The following PLEKHM2 variants were observed in gnomAD, a reference collection of about 807,000 sequenced individuals.
PLEKHM2 encodes the protein pleckstrin homology domain-containing family M member 2.
PLEKHM2 carries 77 observed loss-of-function variants against 116.3 expected under a neutral mutation model. The observed-to-expected ratio is 0.66, with a 90% CI of 0.55 to 0.80. The LOEUF (loss-of-function observed/expected upper bound fraction) is 0.80. PLEKHM2 is among the 30% of genes least tolerant of loss of function. PLEKHM2 has a pLI of 0.00. For synonymous variants in PLEKHM2, 562 were observed against 571.0 expected (o/e 0.98, Z 0.22); for missense variants, 1,183 against 1,354.9 (o/e 0.87, Z 1.99).
intron 1 of PLEKHM2, among the ~76,000 whole-genome samples, chr1:15,702,884 C>T (rs1394790678): frequency 1.3e-5 from 2 of 151,278 alleles, no homozygotes; most frequent in Non-Finnish European, 2.9e-5. Context: ...CCACGCCCAG[C>T]TAACTTTAAA....
chr1:15,728,122 C>T lies in PLEKHM2; in HGVS notation c.1804C>T (p.Arg602Ter), dbSNP rs752579535. 5.6e-6 allele frequency: 9 copies of T among 1,611,216 alleles called. No homozygotes were observed. Among genetic ancestry groups the T allele is most frequent in the East Asian group, 2.2e-5 (1 of 44,800 alleles). Residue 602 changes from arginine to a stop codon, truncating the protein, a stop_gained, in exon 10 of 20, where the codon CGA (arginine) becomes TGA (stop). Coordinates refer to ENST00000375799, the MANE Select transcript of PLEKHM2 (RefSeq NM_015164.4). LOFTEE classifies it high-confidence loss of function. The surrounding 1 kb of genome is among the most constrained non-coding windows in gnomAD (Gnocchi z 5.9). Reference sequence around the variant, plus strand: ...GCTCCTGCTCATGATCCACGTGTTCCGAGAAAACGAAGAGCAGCTGTTCAA... The same window carrying T: ...GCTCCTGCTCATGATCCACGTGTTCTGAGAAAACGAAGAGCAGCTGTTCAA... ...HLLLLMIHVF[R>*]ENEEQLFKMI...
At position 15,719,702 on chromosome 1, in the gene PLEKHM2, C is replaced by T. The variant is rs1307003548; in HGVS notation, c.466-32C>T. The T allele has an allele frequency of 1.9e-6, 3 of 1,550,642 alleles. No individual in the cohort carries two copies. The highest frequency in any genetic ancestry group is 1.8e-6 in the Non-Finnish European group (2 of 1,127,982). On this transcript the variant is annotated intron_variant, in intron 5 of 19. Coordinates refer to ENST00000375799, the MANE Select transcript of PLEKHM2 (RefSeq NM_015164.4). The surrounding 1 kb of genome is among the most constrained non-coding windows in gnomAD (Gnocchi z 4.1). Reference sequence around the variant, plus strand: ...CAGAAGGCCGCTGCACGAGGCCTCCCACCAAACGGGCCTCCTCTACTCTCT... The same window carrying T: ...CAGAAGGCCGCTGCACGAGGCCTCCTACCAAACGGGCCTCCTCTACTCTCT...
Position 15,727,189 on chromosome 1 carries a change from C to A in PLEKHM2, c.1117C>A (p.Gln373Lys), listed in dbSNP as rs778344771. 3 of 1,605,924 alleles carry A rather than the reference C, an allele frequency of 1.9e-6. No homozygotes were observed. The East Asian group carries it at 6.7e-5, about 36-fold the overall frequency. Residue 373 changes from glutamine to lysine, a missense_variant, in exon 9 of 20, where the codon CAG (glutamine) becomes AAG (lysine). Coordinates refer to ENST00000375799, the MANE Select transcript of PLEKHM2 (RefSeq NM_015164.4). This position sits in a 1 kb window ranked among gnomAD's most constrained non-coding sequence, Gnocchi z 7.5. ...DSPDTMLASP[Q>K]EEGEGPSSTT... ...GCCAGACACTATGCTTGCCTCCCCCCAGGAGGAGGGAGAGGGGCCGAGCAG... is the reference window on the plus strand; with the variant it reads ...GCCAGACACTATGCTTGCCTCCCCCAAGGAGGAGGGAGAGGGGCCGAGCAG...
chr1:15,698,570 CAT>C (rs1641049510), intron 1 of PLEKHM2, among the ~76,000 whole-genome samples: 4 of 110,544 alleles, frequency 3.6e-5, no homozygotes, highest in African/African-American at 1.6e-4. Context: ...TTTTTTTTGA[CAT>C]AGTCTTGCTC....
intron 1 of PLEKHM2, among the ~76,000 whole-genome samples, chr1:15,712,038 A>G (rs1255462028): frequency 2.0e-5 from 3 of 151,536 alleles, no homozygotes; most frequent in Non-Finnish European, 4.4e-5. Context: ...GAATCGCTTA[A>G]ACCTGGGAGG....
chr1:15,698,524 T>C (rs946390062), intron 1 of PLEKHM2, among the ~76,000 whole-genome samples: 2 of 149,888 alleles, frequency 1.3e-5, no homozygotes, highest in African/African-American at 5.0e-5. Flanking sequence ...TTTGTTTTTC[T>C]TTCTTTTTCT....
chr1:15,722,347 T>C (rs112095830), intron 7 of PLEKHM2, among the ~76,000 whole-genome samples: 2 of 152,330 alleles, frequency 1.3e-5, no homozygotes, highest in East Asian at 3.9e-4. Context: ...TTTCACCATG[T>C]TGGCCAGGCT....
chr1:15,688,277 A>G (rs1640812806), intron 1 of PLEKHM2, among the ~76,000 whole-genome samples: 1 of 152,224 alleles, frequency 6.6e-6, no homozygotes, highest in Non-Finnish European at 1.5e-5. Context: ...ATCCAAGGCA[A>G]CCTGTGTTCT....
intron 1 of PLEKHM2, among the ~76,000 whole-genome samples, chr1:15,696,184 G>C (rs1640991751): frequency 6.6e-6 from 1 of 152,068 alleles, no homozygotes. Flanking sequence ...AGCTCACAAG[G>C]AGCAGGGCTG....
rs2068095968 is a variant in PLEKHM2 at position 15,728,436 on chromosome 1, CT to C, written c.1921+80del. 7.6e-7 allele frequency: 1 copy of C among 1,313,794 alleles called. No homozygotes were observed. Among genetic ancestry groups the C allele is most frequent in the Non-Finnish European group, 1.1e-6 (1 of 935,976 alleles). The allele number at this position is 1,313,794 out of a possible 1,614,324, so 81.4% of individuals were successfully genotyped here. A position where few individuals can be genotyped will look rare whatever the true frequency, so the allele number is the denominator to read the frequency against. On this transcript the variant is annotated intron_variant, in intron 11 of 19. Coordinates refer to ENST00000375799, the MANE Select transcript of PLEKHM2 (RefSeq NM_015164.4). This position sits in a 1 kb window ranked among gnomAD's most constrained non-coding sequence, Gnocchi z 5.9. The stretch of plus-strand genomic sequence containing the variant: ...CCCTTTTCCCCAGTCCCCTTGCCCT[CT>C]GAGTGCCTCCCGGCTGCCTGGCATG...
At position 15,725,460 on chromosome 1, in the gene PLEKHM2, AC is replaced by A; in HGVS notation, c.861del (p.Val288CysfsTer107). 1.3e-6 allele frequency: 2 copies of A among 1,574,216 alleles called. No homozygotes were observed. Among genetic ancestry groups the A allele is most frequent in the Non-Finnish European group, 8.6e-7 (1 of 1,161,040 alleles). On this transcript the variant is annotated frameshift_variant, in exon 8 of 20. Transcript: ENST00000375799. LOFTEE classifies it high-confidence loss of function. The stretch of plus-strand genomic sequence containing the variant: ...AGAGACTGTGTCCTCCTCTGACACC[AC>A]CCCCGTGCACACCACCTCTCAGGAG... ...PAETVSSSDT[T>X]PVHTTSQEKE...
intron 1 of PLEKHM2, among the ~76,000 whole-genome samples, chr1:15,686,532 G>A (rs531055507): frequency 2.0e-5 from 3 of 152,142 alleles, no homozygotes; most frequent in South Asian, 4.2e-4. Context: ...CTGGGCTGGA[G>A]GGCAGTGGTG....
intron 1 of PLEKHM2, among the ~76,000 whole-genome samples, chr1:15,706,829 C>T (rs1477193727): frequency 6.6e-6 from 1 of 152,156 alleles, no homozygotes; most frequent in African/African-American, 2.4e-5. Context: ...ACTAATTTAT[C>T]TCTGCCACCG....
chr1:15,729,696 G>A lies in PLEKHM2; in HGVS notation c.2076-101G>A. 4 of 1,101,526 alleles carry A rather than the reference G, an allele frequency of 3.6e-6. No individual in the cohort carries two copies. Among genetic ancestry groups the A allele is most frequent in the Non-Finnish European group, 5.2e-6 (4 of 767,284 alleles). The allele number at this position is 1,101,526 out of a possible 1,614,324, so 68.2% of individuals were successfully genotyped here. On this transcript the variant is annotated intron_variant, in intron 13 of 19. Coordinates refer to ENST00000375799, the MANE Select transcript of PLEKHM2 (RefSeq NM_015164.4). This position sits in a 1 kb window ranked among gnomAD's most constrained non-coding sequence, Gnocchi z 4.7. ...GGGTCTAGCCAGGTCTCTCCCCCAA[G>A]TTTCTGTGACCCCTCCAGGCCAGCA...
chr1:15,696,210 T>C (rs1640991937), intron 1 of PLEKHM2, among the ~76,000 whole-genome samples: 1 of 152,188 alleles, frequency 6.6e-6, no homozygotes, highest in Admixed American at 6.6e-5. Flanking sequence ...CAAACCATTT[T>C]CTGGCTCTTG....
chr1:15,692,571 C>G (rs1357258468), intron 1 of PLEKHM2, among the ~76,000 whole-genome samples: 1 of 152,130 alleles, frequency 6.6e-6, no homozygotes, highest in East Asian at 1.9e-4. Context: ...GTGATAACTG[C>G]TTTTTCTGAG....
Position 15,684,392 on chromosome 1 carries a change from G to A in PLEKHM2, c.-167G>A, listed in dbSNP as rs2148323232. On this transcript the variant is annotated 5_prime_UTR_variant, in exon 1 of 20. Coordinates refer to ENST00000375799, the MANE Select transcript of PLEKHM2 (RefSeq NM_015164.4). ...GGGCCGCGGTGGAGCGAGGGCCCAG[G>A]CGAGGCGAGGGCCGGGCGGCGGGCG... is the stretch of plus-strand genomic sequence containing the variant. 5.3e-6 allele frequency: 1 copy of A among 190,308 alleles called. No homozygotes were observed. Among genetic ancestry groups the A allele is most frequent in the Middle Eastern group, 2.8e-3 (1 of 360 alleles). 11.8% of individuals were successfully genotyped at this position (190,308 alleles called of 1,614,324 possible). A position where few individuals can be genotyped will look rare whatever the true frequency, so the allele number is the denominator to read the frequency against.
chr1:15,708,432 G>T (rs1447176612), intron 1 of PLEKHM2, among the ~76,000 whole-genome samples: 6 of 147,766 alleles, frequency 4.1e-5, no homozygotes, highest in Non-Finnish European at 8.9e-5. Flanking sequence ...GGCCAGAATG[G>T]TCTCGATCTC....
intron 1 of PLEKHM2, among the ~76,000 whole-genome samples, chr1:15,703,021 C>T (rs78545836): frequency 0.027 from 4,097 of 152,262 alleles, 195 homozygotes; most frequent in African/African-American, 0.092. Flanking sequence ...TGAGCCACAG[C>T]GCCCAGCCCT....
Sources: gnomAD v4.1 joint callset for allele counts (sites outside exome capture counted in the v4.1 genomes callset) on GRCh38, gnomAD v4.1.1 for gene constraint, Gnocchi (gnomAD v3.1) non-coding constraint, MANE v1.5 for transcripts, NCBI Gene and HGNC (gene_info 2026-07-23, HGNC 2026-07-21) for gene names.